Variants in SLC39A12 observed in about 807,000 individuals in gnomAD.
The protein encoded by SLC39A12 is zinc transporter ZIP12.
SLC39A12 carries 63 observed loss-of-function variants against 71.1 expected under a neutral mutation model. The ratio of observed to expected loss-of-function variants is 0.89; its 90% CI spans 0.72 to 1.09. The LOEUF (loss-of-function observed/expected upper bound fraction) is 1.09. Ranked by LOEUF, SLC39A12 falls within the 50% of genes least tolerant of loss-of-function variation. The pLI is 0.00. For synonymous variants in SLC39A12, 351 were observed against 301.3 expected, an observed-to-expected ratio of 1.16 and a Z score of -1.71; for missense variants, 892 against 812.6, an observed-to-expected ratio of 1.10 and a Z score of -1.19.
intron 4 of SLC39A12, among the ~76,000 whole-genome samples, chr10:17,976,078 T>C (rs1835101944): frequency 6.6e-6 from 1 of 152,124 alleles, no homozygotes. Flanking sequence ...TCAAGACTGT[T>C]TTTTCTGCCT....
At position 17,965,494 on chromosome 10, in the gene SLC39A12, C is replaced by T. The variant is rs1157485341; in HGVS notation, c.555C>T (p.Thr185=). The T allele has an allele frequency of 1.2e-6, 2 of 1,613,888 alleles. No individual in the cohort carries two copies. Among genetic ancestry groups the T allele is most frequent in the Admixed American group, 1.7e-5 (1 of 60,004 alleles). The change falls in exon 4 of 13, where the codon ACC becomes ACT. Residue 185 remains threonine (T), a synonymous_variant. Transcript: ENST00000377369. ...FDTSQSQCME[T]KTLQKKSGIV... is the part of the protein sequence containing the mutation. ...GTATCTGATTTCAGTGTATGGAAAC[C>T]AAAACGCTGCAGAAAAAATCTGGAA... is the stretch of plus-strand genomic sequence containing the variant.
intron 8 of SLC39A12, among the ~76,000 whole-genome samples, chr10:17,992,122 T>C (rs1190349287): frequency 7.7e-6 from 1 of 130,616 alleles, no homozygotes; most frequent in African/African-American, 2.9e-5. Flanking sequence ...AAAGAAAAAA[T>C]AAATAGCATA....
intron 4 of SLC39A12, among the ~76,000 whole-genome samples, chr10:17,976,112 T>C (rs1835102906): frequency 6.6e-6 from 1 of 152,126 alleles, no homozygotes; most frequent in Non-Finnish European, 1.5e-5. Context: ...TTCAGTAATA[T>C]GAAGTTAAAA....
chr10:18,017,735 T>C (rs1458154695), intron 12 of SLC39A12, among the ~76,000 whole-genome samples: 1 of 152,216 alleles, frequency 6.6e-6, no homozygotes, highest in Admixed American at 6.5e-5. Context: ...ATGCCATTGA[T>C]CTATTTGTCT....
intron 12 of SLC39A12, among the ~76,000 whole-genome samples, chr10:18,021,681 A>G (rs896484719): frequency 5.3e-5 from 8 of 152,118 alleles, no homozygotes; most frequent in Admixed American, 5.2e-4. Context: ...GCTGGTTGCT[A>G]TGTAGACATA....
chr10:17,965,447 G>A (rs1350906323), intron 3 of SLC39A12, 36 bp from the exon 4 acceptor site: 5 of 1,583,736 alleles, frequency 3.2e-6, no homozygotes, highest in South Asian at 1.1e-5. Context: ...AACTTCAGAT[G>A]TTACAATTTT....
chr10:17,983,191 A>AG (rs1835311044), intron 6 of SLC39A12, among the ~76,000 whole-genome samples: 2 of 144,774 alleles, frequency 1.4e-5, no homozygotes, highest in African/African-American at 5.4e-5. Flanking sequence ...AAAAAAAAAA[A>AG]AAAAAAGACT....
chr10:18,022,728 T>C (rs1020628494), intron 12 of SLC39A12, among the ~76,000 whole-genome samples: 7 of 152,146 alleles, frequency 4.6e-5, no homozygotes, highest in African/African-American at 1.7e-4. Flanking sequence ...GTTGCCAGGG[T>C]TCTTGTGCTG....
At chr10:17,966,454 C>G (rs78265327) in intron 4 of SLC39A12, among the ~76,000 whole-genome samples, 2,050 of 152,012 alleles carry the variant, frequency 0.013, 39 homozygotes, top group African/African-American at 0.043. Context: ...GAAACTACAG[C>G]TGTGTGTCAC....
At chr10:17,971,680 T>C (rs1212103846) in intron 4 of SLC39A12, among the ~76,000 whole-genome samples, 1 of 152,130 alleles carries the variant, frequency 6.6e-6, no homozygotes, top group African/African-American at 2.4e-5. Context: ...TCAGTTGTAA[T>C]GTCTCTTTTT....
At chr10:18,038,718 A>G (rs1047411442) in intron 12 of SLC39A12, among the ~76,000 whole-genome samples, 1 of 152,182 alleles carries the variant, frequency 6.6e-6, no homozygotes, top group Admixed American at 6.5e-5. Flanking sequence ...TTTAGTCAAA[A>G]CAGAAACAGC....
chr10:18,036,182 C>G (rs1271041427), intron 12 of SLC39A12, among the ~76,000 whole-genome samples: 5 of 152,346 alleles, frequency 3.3e-5, no homozygotes, highest in South Asian at 4.1e-4. Context: ...CCACCCAGTT[C>G]CAGCTTCAGG....
intron 1 of SLC39A12, among the ~76,000 whole-genome samples, chr10:17,952,845 C>T (rs1661712188): frequency 6.6e-6 from 1 of 152,148 alleles, no homozygotes; most frequent in South Asian, 2.1e-4. Flanking sequence ...TTCTCTTTTT[C>T]ATGAGGACCA....
rs1834800057 is a variant in SLC39A12 at position 17,965,478 on chromosome 10, T to G, written c.544-5T>G. 6.2e-7 allele frequency: 1 copy of G among 1,613,220 alleles called. No individual in the cohort carries two copies. Among genetic ancestry groups the G allele is most frequent in the African/African-American group, 1.3e-5 (1 of 74,918 alleles). ...ATTTTCTCTTTATTTTGTATCTGAT[T>G]TCAGTGTATGGAAACCAAAACGCTG... is the stretch of plus-strand genomic sequence containing the variant. On this transcript the variant is annotated splice_region_variant and splice_polypyrimidine_tract_variant and intron_variant, in intron 3 of 12. Coordinates refer to ENST00000377369, the MANE Select transcript of SLC39A12 (RefSeq NM_001145195.2).
intron 12 of SLC39A12, among the ~76,000 whole-genome samples, chr10:18,034,683 T>A (rs1836947466): frequency 6.6e-6 from 1 of 151,918 alleles, no homozygotes; most frequent in African/African-American, 2.4e-5. Flanking sequence ...AATTTGATCC[T>A]GTCATTATGA....
At chr10:17,968,683 A>G (rs12263430) in intron 4 of SLC39A12, among the ~76,000 whole-genome samples, 14,300 of 152,034 alleles carry the variant, frequency 0.094, 705 homozygotes, top group African/African-American at 0.1. Context: ...TAGTAGGTGT[A>G]TGTATTTATG....
At chr10:18,036,748 A>G (rs1276688958) in intron 12 of SLC39A12, among the ~76,000 whole-genome samples, 2 of 8,760 alleles carry the variant, frequency 2.3e-4, no homozygotes, top group African/African-American at 1.2e-3. Flanking sequence ...TTTAAAAATT[A>G]TATATATATA....
chr10:18,000,247 A>G (rs1835794879), intron 10 of SLC39A12, among the ~76,000 whole-genome samples: 1 of 152,190 alleles, frequency 6.6e-6, no homozygotes, highest in Admixed American at 6.5e-5. Context: ...CTAGGGGAAT[A>G]AGTAGAAACG....
chr10:18,017,175 A>G (rs1336507673), intron 12 of SLC39A12, among the ~76,000 whole-genome samples: 2 of 152,204 alleles, frequency 1.3e-5, no homozygotes, highest in Admixed American at 6.5e-5. Context: ...TCTTTCTTTC[A>G]TAGATCATGT....
Sources: gnomAD v4.1 joint callset for allele counts (sites outside exome capture counted in the v4.1 genomes callset) on GRCh38, gnomAD v4.1.1 for gene constraint, MANE v1.5 for transcripts, NCBI Gene and HGNC (gene_info 2026-07-23, HGNC 2026-07-21) for gene names.